The following CSAD variants were observed in gnomAD, a reference collection of about 807,000 sequenced individuals.
CSAD encodes P-selectin cytoplasmic tail-associated protein.
Under a neutral mutation model 61.5 loss-of-function variants are expected in CSAD, and 47 were observed. The ratio of observed to expected loss-of-function variants is 0.76; its 90% CI spans 0.60 to 0.97. The LOEUF (loss-of-function observed/expected upper bound fraction) is 0.97. Ranked by LOEUF, CSAD falls within the 50% of genes least tolerant of loss-of-function variation. The pLI is 0.00. For missense variants in CSAD, 611 were observed against 643.6 expected (o/e 0.95, Z 0.55); for synonymous variants, 245 against 252.7 (o/e 0.97, Z 0.29).
chr12:53,173,265 G>T, intron 4 of CSAD, 80 bp downstream of exon 4: 3 of 1,267,364 alleles, frequency 2.4e-6, no homozygotes, highest in Non-Finnish European at 3.3e-6. Flanking sequence ...GGGGGGGGGA[G>T]AAAGAAAAGA....
At chr12:53,173,274 G>C in intron 4 of CSAD, 71 bp downstream of exon 4, 1 of 1,405,758 alleles carries the variant, frequency 7.1e-7, no homozygotes. Context: ...AGAAAGAAAA[G>C]AAAGGAAAAA....
At chr12:53,180,049 A>C in intron 1 of CSAD, 1 of 1,415,778 alleles carries the variant, frequency 7.1e-7, no homozygotes, top group Non-Finnish European at 9.2e-7. Context: ...GTAACCAACC[A>C]GGCTGGCCTC....
At chr12:53,171,549 C>T in intron 7 of CSAD, 108 bp from the exon 8 acceptor site, 2 of 1,077,242 alleles carry the variant, frequency 1.9e-6, no homozygotes, top group East Asian at 2.5e-5. Flanking sequence ...GCAGGTATGA[C>T]TGGCTCCCAG....
chr12:53,159,836 T>TGCAAAAGAGCTAGGCTGGGGCAGGGGCC, intron 15 of CSAD, 51 bp downstream of exon 15: 2 of 1,556,998 alleles, frequency 1.3e-6, no homozygotes, highest in Non-Finnish European at 1.7e-6. Context: ...GCTTGGGGGC[T>TGCAAAAGAGCTAGGCTGGGGCAGGGGCC]GCAAAAGAGC....
intron 4 of CSAD, chr12:53,173,137 G>A (rs1479311112): frequency 4.0e-6 from 2 of 499,404 alleles, no homozygotes; most frequent in South Asian, 2.2e-5. Context: ...GAGCCCGGGA[G>A]ACGGAGGTTG....
chr12:53,158,696 T>A lies in CSAD; in HGVS notation c.1309-12A>T. The A allele has an allele frequency of 6.2e-7, 1 of 1,611,284 alleles. No individual in the cohort carries two copies. The highest frequency in any genetic ancestry group is 8.5e-7 in the Non-Finnish European group (1 of 1,178,166). Reference sequence around the variant, plus strand: ...AGCACGGGGGCCACCTGTGGAAGGGTGGAGAGAGATTCCAGCTGCAGCCTG... The same window carrying A: ...AGCACGGGGGCCACCTGTGGAAGGGAGGAGAGAGATTCCAGCTGCAGCCTG... On this transcript the variant is annotated splice_polypyrimidine_tract_variant and intron_variant, in intron 16 of 16. Coordinates refer to ENST00000444623, the MANE Select transcript of CSAD (RefSeq NM_001244705.2).
intron 2 of CSAD, among the ~76,000 whole-genome samples, chr12:53,175,997 T>G (rs183985660): frequency 1.3e-5 from 2 of 152,350 alleles, no homozygotes; most frequent in African/African-American, 4.8e-5. Context: ...CCTCTTCCAC[T>G]GCATCACAGG....
At chr12:53,159,758 C>T (rs1237167380) in intron 15 of CSAD, 46 bp from the exon 16 acceptor site, 4 of 1,550,618 alleles carry the variant, frequency 2.6e-6, no homozygotes, top group Non-Finnish European at 3.5e-6. Context: ...GAAAGGGGGA[C>T]CGTTTTCCCT....
chr12:53,165,989 C>A (rs183177964), intron 10 of CSAD, among the ~76,000 whole-genome samples: 1 of 152,136 alleles, frequency 6.6e-6, no homozygotes, highest in Admixed American at 6.5e-5. Context: ...CATGCTACGA[C>A]GTGGATGAAC....
rs1350070303 is a variant in CSAD, at chr12:53,161,272, C to T, written c.819+1G>A. 1.2e-6 allele frequency: 2 copies of T among 1,614,044 alleles called. No individual in the cohort carries two copies. The highest frequency in any genetic ancestry group is 1.7e-6 in the Non-Finnish European group (2 of 1,179,946). On this transcript the variant is annotated splice_donor_variant, in intron 11 of 16. Coordinates refer to ENST00000444623, the MANE Select transcript of CSAD (RefSeq NM_001244705.2). LOFTEE classifies it high-confidence loss of function. The stretch of plus-strand genomic sequence containing the variant: ...CACCCCCAAGCCGAAGTCCCACTCA[C>T]ATCCACATGCAGCCATAGCCCATGA...
At chr12:53,175,622 G>A (rs868298378) in intron 2 of CSAD, among the ~76,000 whole-genome samples, 6 of 152,132 alleles carry the variant, frequency 3.9e-5, no homozygotes, top group South Asian at 2.1e-4. Flanking sequence ...TCAAATGTTA[G>A]TTTCCATCTT....
intron 15 of CSAD, 47 bp downstream of exon 15, chr12:53,159,840 A>G (rs1023347869): frequency 1.3e-6 from 2 of 1,563,376 alleles, no homozygotes; most frequent in African/African-American, 2.7e-5. Flanking sequence ...GGGGGCTGCA[A>G]AAGAGCTAGG....
Position 53,180,787 on chromosome 12 carries a change from T to C in CSAD, c.-146A>G. On this transcript the variant is annotated 5_prime_UTR_variant, in exon 1 of 17. Transcript: ENST00000444623. Reference sequence around the variant, plus strand: ...GGGGTTGGCAGGGTGTGCTGGGGCCTGGAGGAGGCGCCGCGCGGCCAGGGA... The same window carrying C: ...GGGGTTGGCAGGGTGTGCTGGGGCCCGGAGGAGGCGCCGCGCGGCCAGGGA... 2 of 1,272,458 alleles carry C rather than the reference T, an allele frequency of 1.6e-6. No homozygotes were observed. Among genetic ancestry groups the C allele is most frequent in the Non-Finnish European group, 2.0e-6 (2 of 982,304 alleles). The allele number at this position is 1,272,458 out of a possible 1,614,324, so 78.8% of individuals were successfully genotyped here.
chr12:53,170,148 G>C, intron 9 of CSAD, 22 bp from the exon 10 acceptor site: 2 of 1,609,878 alleles, frequency 1.2e-6, no homozygotes, highest in Non-Finnish European at 1.7e-6. Flanking sequence ...AATGCAGAGG[G>C]TAGAGCAGGG....
At chr12:53,181,087 C>G, upstream of CSAD, 1 of 895,052 alleles carries the variant, frequency 1.1e-6, no homozygotes, top group Non-Finnish European at 1.3e-6. Flanking sequence ...GCACGCATCT[C>G]GCGCGCTTCT....
At position 53,171,629 on chromosome 12, in the gene CSAD, T is replaced by C. The variant is rs1337521045; in HGVS notation, c.452-188A>G. The C allele has an allele frequency of 9.3e-6, 6 of 645,750 alleles. No homozygotes were observed. In the East Asian group the frequency reaches 1.6e-4, roughly 18 times the overall value. 40.0% of individuals were successfully genotyped at this position (645,750 alleles called of 1,614,324 possible). ...CAGCAGATCCTCTTGACCACACCTC[T>C]CCACATCTGGGGCTGCCCCCAAGAG... On this transcript the variant is annotated intron_variant, in intron 7 of 16. Transcript: ENST00000444623.
intron 13 of CSAD, 39 bp from the exon 14 acceptor site, chr12:53,160,358 C>T (rs1292328241): frequency 6.3e-7 from 1 of 1,596,508 alleles, no homozygotes; most frequent in Non-Finnish European, 8.6e-7. Flanking sequence ...CCTACCCTCT[C>T]CACCGAGGCT....
rs1938979506 is a variant in CSAD, at chr12:53,159,458, A to C, written c.1308+165T>G. 2.6e-5 allele frequency: 16 copies of C among 625,992 alleles called. No individual in the cohort carries two copies. In the East Asian group the frequency reaches 4.4e-4, roughly 17 times the overall value. The allele number at this position is 625,992 out of a possible 1,614,324, so 38.8% of individuals were successfully genotyped here. A position where few individuals can be genotyped will look rare whatever the true frequency, so the allele number is the denominator to read the frequency against. On this transcript the variant is annotated intron_variant, in intron 16 of 16. Coordinates refer to ENST00000444623, the MANE Select transcript of CSAD (RefSeq NM_001244705.2). ...TCGCTGCTTCTTACTTCCCAGAAAC[A>C]TACCTTCCTCCCCATCCCCACCCCT...
At chr12:53,181,099 G>A, upstream of CSAD, 2 of 930,100 alleles carry the variant, frequency 2.2e-6, no homozygotes, top group Non-Finnish European at 2.6e-6. Context: ...CGCGCTTCTC[G>A]GCACTCTCCG....
Sources: allele counts gnomAD v4.1 joint callset (sites outside exome capture counted in the v4.1 genomes callset), GRCh38; gene constraint gnomAD v4.1.1; transcripts MANE v1.5; gene names NCBI Gene and HGNC (gene_info 2026-07-23, HGNC 2026-07-21).